ZNF346: variants seen among roughly 807,000 people sequenced by gnomAD.
The protein encoded by ZNF346 is zinc finger protein 346.
A neutral mutation model predicts 33.7 loss-of-function variants in ZNF346; 23 were observed. The ratio of observed to expected loss-of-function variants is 0.68; its 90% CI spans 0.49 to 0.97. The LOEUF (loss-of-function observed/expected upper bound fraction) is 0.97, where lower values mean the gene tolerates loss of function less well. Ranked by LOEUF, ZNF346 falls within the 50% of genes least tolerant of loss-of-function variation. The pLI is 0.00. For missense variants in ZNF346, 340 were observed against 371.1 expected, an observed-to-expected ratio of 0.92 and a Z score of 0.69; for synonymous variants, 134 against 142.4, an observed-to-expected ratio of 0.94 and a Z score of 0.42.
downstream of ZNF346, among the ~76,000 whole-genome samples, chr5:177,072,641 G>A (rs1366110200): frequency 6.6e-6 from 1 of 152,194 alleles, no homozygotes; most frequent in African/African-American, 2.4e-5. Context: ...CTTGAAGTCA[G>A]GAGTTCAAGG....
At chr5:177,080,721 T>G (rs1783943800) in exon 9 of ZNF346, 1 of 152,186 alleles carries the variant, frequency 6.6e-6, no homozygotes, top group Admixed American at 6.6e-5. Flanking sequence ...GGCAGGAGAA[T>G]CACTTGAACC....
At chr5:177,050,599 G>A (rs2149666023) in intron 4 of ZNF346, 152 bp from the exon 5 acceptor site, 1 of 734,928 alleles carries the variant, frequency 1.4e-6, no homozygotes, top group Non-Finnish European at 2.3e-6. Flanking sequence ...TGCCACATCT[G>A]CAGTAGGATT....
chr5:177,042,434 C>G (rs1236458173), intron 3 of ZNF346, among the ~76,000 whole-genome samples: 2 of 152,146 alleles, frequency 1.3e-5, no homozygotes, highest in Admixed American at 6.6e-5. Flanking sequence ...CAGACTAGGG[C>G]TCAAAGCTGG....
chr5:177,051,040 G>A (rs1021668911), intron 5 of ZNF346, 104 bp downstream of exon 5: 2 of 852,330 alleles, frequency 2.3e-6, no homozygotes, highest in East Asian at 5.1e-5. Flanking sequence ...TTGTAAGTAG[G>A]GTTTGCGAAC....
At chr5:177,024,022 A>G (rs1004464663) in intron 1 of ZNF346, among the ~76,000 whole-genome samples, 2 of 148,742 alleles carry the variant, frequency 1.3e-5, no homozygotes, top group Non-Finnish European at 3.0e-5. Context: ...TATAAAAAAG[A>G]AGGAGACAGG....
intron 8 of ZNF346, among the ~76,000 whole-genome samples, chr5:177,073,346 C>T (rs1783593710): frequency 6.6e-6 from 1 of 152,240 alleles, no homozygotes; most frequent in South Asian, 2.1e-4. Flanking sequence ...CTCTGTCACA[C>T]AGGCTGGAAT....
chr5:177,050,903 C>A lies in ZNF346; in HGVS notation c.670C>A (p.Arg224=). ...GCTCAAACTAATGGCACGCTATGGGCGGCTGGCGGACCCTGCTGTCACTGA... is the reference window on the plus strand; with the variant it reads ...GCTCAAACTAATGGCACGCTATGGGAGGCTGGCGGACCCTGCTGTCACTGA... ...TKLKLMARYG[R]LADPAVTDFP... is the part of the protein sequence containing the mutation. The change falls in exon 5 of 7, where the codon CGG becomes AGG. Residue 224 remains arginine (R), a synonymous_variant. Coordinates refer to ENST00000358149, the MANE Select transcript of ZNF346 (RefSeq NM_012279.4). 2 of 1,614,164 alleles carry A rather than the reference C, an allele frequency of 1.2e-6. No individual in the cohort carries two copies.
intron 1 of ZNF346, among the ~76,000 whole-genome samples, chr5:177,033,944 C>T (rs1778098943): frequency 6.6e-6 from 1 of 152,190 alleles, no homozygotes; most frequent in African/African-American, 2.4e-5. Context: ...CATAGCAGTG[C>T]AATCCTGGCT....
chr5:177,042,998 C>T (rs898957777), intron 3 of ZNF346, among the ~76,000 whole-genome samples: 3 of 152,104 alleles, frequency 2.0e-5, no homozygotes, highest in Non-Finnish European at 2.9e-5. Flanking sequence ...ACTACAGGCA[C>T]GCGCCACCAC....
chr5:177,067,406 G>A lies in ZNF346; in HGVS notation c.*2807G>A, dbSNP rs935874271. ...CCCCTGCTCCTGGTCAGCTGTGAAA[G>A]GCTCTACACAGCCCCAAGGGAGGTT... On this transcript the variant is annotated 3_prime_UTR_variant, in exon 7 of 7. Coordinates refer to ENST00000358149, the MANE Select transcript of ZNF346 (RefSeq NM_012279.4). Among the ~76,000 whole-genome samples the A allele has an allele frequency of 5.3e-5, 8 of 151,940 alleles. No individual in the cohort carries two copies. Among genetic ancestry groups the A allele is most frequent in the African/African-American group, 1.9e-4 (8 of 41,412 alleles).
intron 8 of ZNF346, among the ~76,000 whole-genome samples, chr5:177,074,378 G>T (rs1783645704): frequency 6.6e-6 from 1 of 152,214 alleles, no homozygotes; most frequent in South Asian, 2.1e-4. Context: ...GCCCAGAGCT[G>T]TTAGTGGCCT....
At chr5:177,036,818 C>T (rs1023188401) in intron 1 of ZNF346, among the ~76,000 whole-genome samples, 5 of 152,102 alleles carry the variant, frequency 3.3e-5, no homozygotes, top group African/African-American at 7.2e-5. Context: ...GTTTCTACAC[C>T]GATTGCAGGA....
At chr5:177,041,893 C>T (rs750913536) in intron 3 of ZNF346, 23 bp downstream of exon 3, 39 of 1,530,528 alleles carry the variant, frequency 2.5e-5, no homozygotes, top group Admixed American at 1.0e-4. Flanking sequence ...CCATATTGAG[C>T]CCACTTGCTT....
chr5:177,047,189 C>G (rs1780173247), intron 4 of ZNF346, among the ~76,000 whole-genome samples: 1 of 151,918 alleles, frequency 6.6e-6, no homozygotes, highest in Non-Finnish European at 1.5e-5. Context: ...GCTGGGACTA[C>G]AGGCGCGTGC....
At chr5:177,039,376 A>G (rs1230927935) in intron 1 of ZNF346, among the ~76,000 whole-genome samples, 6 of 152,162 alleles carry the variant, frequency 3.9e-5, no homozygotes, top group Non-Finnish European at 7.3e-5. Context: ...AAGGGCTGAC[A>G]TAGGTAAGCT....
chr5:177,072,200 C>T (rs1321233061), downstream of ZNF346, among the ~76,000 whole-genome samples: 1 of 152,198 alleles, frequency 6.6e-6, no homozygotes, highest in African/African-American at 2.4e-5. Context: ...TCTTGCAGAG[C>T]TTACACAACC....
chr5:177,029,503 A>C (rs951443557), intron 1 of ZNF346, among the ~76,000 whole-genome samples: 19 of 152,214 alleles, frequency 1.2e-4, no homozygotes, highest in African/African-American at 4.1e-4. Flanking sequence ...GTGGCCATGA[A>C]TCTCAATTTC....
chr5:177,056,558 A>G (rs1335567997), intron 5 of ZNF346, among the ~76,000 whole-genome samples: 1 of 152,264 alleles, frequency 6.6e-6, no homozygotes, highest in Non-Finnish European at 1.5e-5. Context: ...ATTGTGGCAC[A>G]TATACACCAT....
At chr5:177,072,898 A>G (rs1174763403), downstream of ZNF346, among the ~76,000 whole-genome samples, 1 of 152,216 alleles carries the variant, frequency 6.6e-6, no homozygotes, top group Non-Finnish European at 1.5e-5. Context: ...CTTTTTAGTT[A>G]TGACTTTTCT....
Sources: allele counts gnomAD v4.1 joint callset (sites outside exome capture counted in the v4.1 genomes callset), GRCh38; gene constraint gnomAD v4.1.1; transcripts MANE v1.5; gene names NCBI Gene and HGNC (gene_info 2026-07-23, HGNC 2026-07-21).